EHBP1L1: variants seen among roughly 807,000 people sequenced by gnomAD.
EHBP1L1 encodes EH domain binding protein 1 like 1.
A neutral mutation model predicts 151.1 loss-of-function variants in EHBP1L1; 122 were observed. The ratio of observed to expected loss-of-function variants is 0.81; its 90% confidence interval spans 0.70 to 0.94. The LOEUF is 0.94. Among genes scored for constraint, EHBP1L1 ranks in the 40% least tolerant of loss-of-function variants. The pLI is 0.00. For missense variants in EHBP1L1, 1,941 were observed against 1,959.8 expected, an observed-to-expected ratio of 0.99 and a Z score of 0.18; for synonymous variants, 878 against 810.1, an observed-to-expected ratio of 1.08 and a Z score of -1.42.
At chr11:65,579,743 C>G (rs1857502915) in intron 3 of EHBP1L1, among the ~76,000 whole-genome samples, 193 bp from the exon 4 acceptor site, 1 of 149,930 alleles carries the variant, frequency 6.7e-6, no homozygotes, top group East Asian at 2.0e-4. Context: ...ACGAGAATTG[C>G]TTGAACCTGG....
chr11:65,580,822 G>C (rs922141217), intron 6 of EHBP1L1: 2 of 1,089,192 alleles, frequency 1.8e-6, no homozygotes, highest in Non-Finnish European at 2.5e-6. Context: ...GGGCCAGCTG[G>C]GGCTTCCTCA....
rs1456003227 is a variant in EHBP1L1 at position 65,585,303 on chromosome 11, C to T, written c.3645C>T (p.Gly1215=). ...TGGCCTCCAGGAACGCGGTCGCGGGCCGCGCCTCCAAGGACGGCGGGGCCG... is the reference window on the plus strand; with the variant it reads ...TGGCCTCCAGGAACGCGGTCGCGGGTCGCGCCTCCAAGGACGGCGGGGCCG... ...PGVASRNAVA[G]RASKDGGAEA... is the part of the protein sequence containing the mutation. Residue 1215 remains glycine, a synonymous_variant, in exon 12 of 19, where the codon GGC becomes GGT. Coordinates refer to ENST00000309295, the MANE Select transcript of EHBP1L1 (RefSeq NM_001099409.3). The surrounding 1 kb of genome is among the most constrained non-coding windows in gnomAD (Gnocchi z 4.0). 2.0e-6 allele frequency: 2 copies of T among 991,006 alleles called. No homozygotes were observed. Among genetic ancestry groups the T allele is most frequent in the East Asian group, 7.4e-5 (1 of 13,588 alleles). 61.4% of individuals were successfully genotyped at this position (991,006 alleles called of 1,614,324 possible).
In EHBP1L1 at chr11:65,592,098, G is replaced by C. The variant is rs1163558267; in HGVS notation, c.4472+8G>C. On this transcript the variant is annotated splice_region_variant and intron_variant, in intron 18 of 18. Coordinates refer to ENST00000309295, the MANE Select transcript of EHBP1L1 (RefSeq NM_001099409.3). Reference sequence around the variant, plus strand: ...GGACCACAAGGAGCGGATGTGAGTGGCGCTGGGCGGCGCTGGGAGTTGGGA... The same window carrying C: ...GGACCACAAGGAGCGGATGTGAGTGCCGCTGGGCGGCGCTGGGAGTTGGGA... 4 of 1,612,372 alleles carry C rather than the reference G, an allele frequency of 2.5e-6. No individual in the cohort carries two copies. In the South Asian group the frequency reaches 3.3e-5, roughly 13 times the overall value.
intron 16 of EHBP1L1, chr11:65,591,576 T>G (rs1484183278): frequency 3.3e-6 from 2 of 606,040 alleles, no homozygotes; most frequent in Non-Finnish European, 3.0e-6. Flanking sequence ...TTCTGGGGGG[T>G]GTGTGGGAGG....
At chr11:65,581,457 C>T in intron 8 of EHBP1L1, 82 bp from the exon 9 acceptor site, 1 of 1,428,452 alleles carries the variant, frequency 7.0e-7, no homozygotes, top group Non-Finnish European at 9.3e-7. Flanking sequence ...CTCCAGGGCC[C>T]CAACAGTCTG....
rs751694245 is a variant in EHBP1L1 at position 65,579,944 on chromosome 11, C to T, written c.267C>T (p.His89=). 17 of 1,613,806 alleles carry T rather than the reference C, an allele frequency of 1.1e-5. No homozygotes were observed. Among genetic ancestry groups the T allele is most frequent in the South Asian group, 3.3e-5 (3 of 91,086 alleles). ...DISVTLYRDP[H]VDQYEAKEWT... ...AGCACCCTTCTTCCCAGGACCCCCA[C>T]GTGGACCAGTATGAGGCCAAAGAGT... is the stretch of plus-strand genomic sequence containing the variant. The change falls in exon 4 of 19, where the codon CAC becomes CAT. Residue 89 remains histidine (H), a synonymous_variant. Coordinates refer to ENST00000309295, the MANE Select transcript of EHBP1L1 (RefSeq NM_001099409.3).
In EHBP1L1 at chr11:65,590,600, C is replaced by T; in HGVS notation, c.4283+8C>T. 1.2e-6 allele frequency: 2 copies of T among 1,612,686 alleles called. No homozygotes were observed. The highest frequency in any genetic ancestry group is 1.1e-5 in the South Asian group (1 of 90,986). ...GGACCAGCTGCAGCTGCTGTGAGTG[C>T]TGGCCCCGGGCCAGGAGAGCAGAGG... On this transcript the variant is annotated splice_region_variant and intron_variant, in intron 16 of 18. Transcript: ENST00000309295.
chr11:65,591,889 A>G lies in EHBP1L1; in HGVS notation c.4357+16A>G. On this transcript the variant is annotated intron_variant, in intron 17 of 18. Transcript: ENST00000309295. ...GCCATCGAAGGTGGGACATGGGCTC[A>G]GGGGCCGGGAGGCAAGACAGAGCCA... is the stretch of plus-strand genomic sequence containing the variant. The G allele has an allele frequency of 6.2e-7, 1 of 1,600,954 alleles. No homozygotes were observed. Among genetic ancestry groups the G allele is most frequent in the Non-Finnish European group, 8.5e-7 (1 of 1,173,690 alleles).
chr11:65,578,045 GC>G (rs1421631269), intron 1 of EHBP1L1, among the ~76,000 whole-genome samples: 6 of 152,296 alleles, frequency 3.9e-5, no homozygotes, highest in Admixed American at 6.5e-5. Flanking sequence ...GGGGCCCTCT[GC>G]CCCCAGGCCC....
intron 16 of EHBP1L1, 57 bp from the exon 17 acceptor site, chr11:65,591,743 T>A: frequency 1.5e-6 from 2 of 1,378,038 alleles, no homozygotes; most frequent in Non-Finnish European, 2.0e-6. Context: ...ACTCTCTCCC[T>A]ACGCCCCTTT....
intron 14 of EHBP1L1, 30 bp from the exon 15 acceptor site, chr11:65,590,057 C>T (rs1045580341): frequency 1.2e-6 from 2 of 1,613,362 alleles, no homozygotes; most frequent in African/African-American, 2.7e-5. Context: ...GGGCTGAGTC[C>T]ACCCTGTTCT....
Position 65,580,330 on chromosome 11 carries a change from C to T in EHBP1L1, c.492-7C>T, listed in dbSNP as rs1280808214. On this transcript the variant is annotated splice_polypyrimidine_tract_variant and splice_region_variant and intron_variant, in intron 5 of 18. Transcript: ENST00000309295. Reference sequence around the variant, plus strand: ...CTCCACCCTCACCTTTAACCTCTGCCTCCCAGGGACGATGACATGCAGAGT... The same window carrying T: ...CTCCACCCTCACCTTTAACCTCTGCTTCCCAGGGACGATGACATGCAGAGT... 1.9e-6 allele frequency: 3 copies of T among 1,613,578 alleles called. No homozygotes were observed. Among genetic ancestry groups the T allele is most frequent in the Non-Finnish European group, 2.5e-6 (3 of 1,179,820 alleles).
chr11:65,583,316 C>T lies in EHBP1L1; in HGVS notation c.2644C>T (p.Gln882Ter), dbSNP rs781677592. The change falls in exon 9 of 19, where the codon CAG (glutamine) becomes TAG (stop). Residue 882 changes from glutamine (Q) to a stop codon, truncating the protein, a stop_gained. Transcript: ENST00000309295. LOFTEE classifies it high-confidence loss of function. ...IVPEAEKEEAQTSGVQEAETR... is the reference protein window; with the variant it reads ...IVPEAEKEEA ...TCCAGAGGCTGAGAAGGAAGAGGCTCAGACTTCGGGGGTCCAGGAAGCAGA... is the reference window on the plus strand; with the variant it reads ...TCCAGAGGCTGAGAAGGAAGAGGCTTAGACTTCGGGGGTCCAGGAAGCAGA... 18 of 1,613,566 alleles carry T rather than the reference C, an allele frequency of 1.1e-5. No homozygotes were observed. The highest frequency in any genetic ancestry group is 1.3e-5 in the Non-Finnish European group (15 of 1,179,822).
In EHBP1L1 at chr11:65,576,223, T is replaced by C. The variant is rs1273677880; in HGVS notation, c.-80T>C. 43 of 1,342,904 alleles carry C rather than the reference T, an allele frequency of 3.2e-5. No homozygotes were observed. Among genetic ancestry groups the C allele is most frequent in the Non-Finnish European group, 4.2e-5 (43 of 1,017,782 alleles). The allele number at this position is 1,342,904 out of a possible 1,614,324, so 83.2% of individuals were successfully genotyped here. On this transcript the variant is annotated 5_prime_UTR_variant, in exon 1 of 19. The change abolishes an upstream ATG in the 5' untranslated region. Coordinates refer to ENST00000309295, the MANE Select transcript of EHBP1L1 (RefSeq NM_001099409.3). ...CGGGGCGGGCGGCGCGGACAGGCCA[T>C]GGGGACCCGGGCCGGGCCAGCGGTG...
chr11:65,591,828 T>C lies in EHBP1L1; in HGVS notation c.4312T>C (p.Phe1438Leu), dbSNP rs1858324503. ...GGAGGAGCAGGACTTGGAGCGAAGGTTCGAGCTGCTGAGCCGCGAGCTGCG... is the reference window on the plus strand; with the variant it reads ...GGAGGAGCAGGACTTGGAGCGAAGGCTCGAGCTGCTGAGCCGCGAGCTGCG... ...LMEEQDLERR[F>L]ELLSRELRAM... The change falls in exon 17 of 19, where the codon TTC (phenylalanine) becomes CTC (leucine). Residue 1438 changes from phenylalanine (F) to leucine (L), a missense_variant. Phe to Leu is a conservative substitution (Grantham distance 22, BLOSUM62 0). Transcript: ENST00000309295. 1 of 1,299,518 alleles carries C rather than the reference T, an allele frequency of 7.7e-7. No homozygotes were observed. The highest frequency in any genetic ancestry group is 5.4e-5 in the East Asian group (1 of 18,634). The allele number at this position is 1,299,518 out of a possible 1,614,324, so 80.5% of individuals were successfully genotyped here.
rs1857619117 is a variant in EHBP1L1, at chr11:65,581,696, C to T, written c.1024C>T (p.Gln342Ter). ...AGGATTGGGCTCTGCTAGGGAGACCCAGGCCCAGGCATGCCCTCAGGAAGG... is the reference window on the plus strand; with the variant it reads ...AGGATTGGGCTCTGCTAGGGAGACCTAGGCCCAGGCATGCCCTCAGGAAGG... ...PAGLGSARET[Q>*]AQACPQEGTE... The change falls in exon 9 of 19, where the codon CAG becomes TAG. Residue 342 changes from glutamine to a stop codon, truncating the protein, a stop_gained. Transcript: ENST00000309295. LOFTEE classifies it high-confidence loss of function. The T allele has an allele frequency of 6.3e-7, 1 of 1,579,226 alleles. No homozygotes were observed. The highest frequency in any genetic ancestry group is 8.6e-7 in the Non-Finnish European group (1 of 1,163,002).
At chr11:65,587,377 A>C (rs1479080296) in intron 12 of EHBP1L1, among the ~76,000 whole-genome samples, 1 of 146,802 alleles carries the variant, frequency 6.8e-6, no homozygotes, top group African/African-American at 2.7e-5. Context: ...GTCTCAAAAA[A>C]AAAAAAAAAA....
chr11:65,585,030 G>GC lies in EHBP1L1; in HGVS notation c.3375dup (p.Asp1126ArgfsTer192). The GC allele has an allele frequency of 6.5e-7, 1 of 1,537,056 alleles. No individual in the cohort carries two copies. The highest frequency in any genetic ancestry group is 8.7e-7 in the Non-Finnish European group (1 of 1,147,858). ...CCGCGGACATGGTGCTACTGTCGGT[G>GC]CCCGACAAGCTCATCGTCATGACGT... On this transcript the variant is annotated frameshift_variant, in exon 12 of 19. Coordinates refer to ENST00000309295, the MANE Select transcript of EHBP1L1 (RefSeq NM_001099409.3). LOFTEE classifies it high-confidence loss of function. This position sits in a 1 kb window ranked among gnomAD's most constrained non-coding sequence, Gnocchi z 4.0.
At chr11:65,579,463 T>G in intron 3 of EHBP1L1, 27 bp downstream of exon 3, 3 of 1,428,110 alleles carry the variant, frequency 2.1e-6, no homozygotes, top group Non-Finnish European at 2.8e-6. Context: ...CCAGCATGGA[T>G]GGCAATTGCA....
Sources: gnomAD v4.1 joint callset for allele counts (sites outside exome capture counted in the v4.1 genomes callset) on GRCh38, gnomAD v4.1.1 for gene constraint, Gnocchi (gnomAD v3.1) non-coding constraint, MANE v1.5 for transcripts, NCBI Gene and HGNC (gene_info 2026-07-23, HGNC 2026-07-21) for gene names.